The following PKIA variants were observed in gnomAD, a reference collection of about 807,000 sequenced individuals.
PKIA encodes PKI-alpha.
PKIA carries 4 observed loss-of-function variants against 7.6 expected under a neutral mutation model. That is an observed-to-expected ratio of 0.52 (90% CI 0.26 to 1.20). The LOEUF (loss-of-function observed/expected upper bound fraction) is 1.20. PKIA is among the 50% of genes most tolerant of loss of function. The probability of loss-of-function intolerance (pLI) is 0.13; values close to 1 mark genes in which losing one functional copy is unlikely to be tolerated. For synonymous variants in PKIA, 21 were observed against 30.7 expected (o/e 0.68, Z 1.04); for missense variants, 73 against 86.2 (o/e 0.85, Z 0.61).
At chr8:78,545,819 A>C (rs1806807152) in intron 1 of PKIA, among the ~76,000 whole-genome samples, 2 of 152,172 alleles carry the variant, frequency 1.3e-5, no homozygotes, top group Non-Finnish European at 1.5e-5. Context: ...TACTGATAGC[A>C]TCAATAGAAA....
chr8:78,518,009 AC>A (rs751936512), intron 1 of PKIA, among the ~76,000 whole-genome samples: 4 of 152,204 alleles, frequency 2.6e-5, no homozygotes, highest in Non-Finnish European at 5.9e-5. Flanking sequence ...TTAAAATTTT[AC>A]CTCTTTCTTT....
At chr8:78,517,082 T>G (rs963752669) in intron 1 of PKIA, among the ~76,000 whole-genome samples, 3 of 152,226 alleles carry the variant, frequency 2.0e-5, no homozygotes, top group African/African-American at 7.2e-5. Context: ...ATCATTTCAT[T>G]GATCTTTTTC....
chr8:78,553,737 A>ATT (rs10706008), intron 1 of PKIA, among the ~76,000 whole-genome samples: 3 of 140,996 alleles, frequency 2.1e-5, no homozygotes, highest in Non-Finnish European at 3.1e-5. Context: ...AAACAACTGG[A>ATT]TTTTTTTTTT....
chr8:78,568,663 C>T (rs1807475943), intron 1 of PKIA, among the ~76,000 whole-genome samples: 1 of 152,102 alleles, frequency 6.6e-6, no homozygotes, highest in Admixed American at 6.6e-5. Context: ...AGACAGGGCA[C>T]CACAGGAGCC....
intron 1 of PKIA, among the ~76,000 whole-genome samples, chr8:78,539,826 T>C (rs1300918851): frequency 6.6e-6 from 1 of 152,072 alleles, no homozygotes; most frequent in Non-Finnish European, 1.5e-5. Context: ...ATATAATGCA[T>C]GATCCTCTAC....
Position 78,601,779 on chromosome 8 carries a change from A to C in PKIA, c.189A>C (p.Gln63His). The part of the protein sequence containing the change: ...EEDAQRSSTE[Q>H]SGEAQGEAAK... ...ATGCACAACGAAGTTCTACAGAACA[A>C]AGTGGGGAAGCCCAGGGAGAAGCAG... The change falls in exon 4 of 4, where the codon CAA becomes CAC. Residue 63 changes from glutamine to histidine, a missense_variant. Physicochemically the swap from Gln to His is conservative, Grantham distance 24. Transcript: ENST00000396418. 1 of 1,612,540 alleles carries C rather than the reference A, an allele frequency of 6.2e-7. No homozygotes were observed. Among genetic ancestry groups the C allele is most frequent in the Non-Finnish European group, 8.5e-7 (1 of 1,179,030 alleles).
intron 3 of PKIA, among the ~76,000 whole-genome samples, chr8:78,598,849 T>C (rs537360612): frequency 3.6e-4 from 55 of 152,220 alleles, no homozygotes; most frequent in African/African-American, 1.3e-3. Flanking sequence ...TGTACAGTAT[T>C]TAACAAAGTT....
chr8:78,546,327 A>AAGG (rs1354092429), intron 1 of PKIA, among the ~76,000 whole-genome samples: 1 of 144,994 alleles, frequency 6.9e-6, no homozygotes, highest in East Asian at 1.9e-4. Flanking sequence ...TATAGTTAAG[A>AAGG]AGGAAGAGAC....
intron 1 of PKIA, among the ~76,000 whole-genome samples, chr8:78,532,010 G>A (rs1358946092): frequency 1.3e-5 from 2 of 152,024 alleles, no homozygotes; most frequent in Non-Finnish European, 2.9e-5. Context: ...TCTCATATTT[G>A]GAACAAATAA....
chr8:78,541,000 AT>A, intron 1 of PKIA, among the ~76,000 whole-genome samples: 1 of 152,208 alleles, frequency 6.6e-6, no homozygotes, highest in Middle Eastern at 3.4e-3. Flanking sequence ...AAAATTATAT[AT>A]ATACAAGGTA....
At chr8:78,531,869 C>T (rs1009701535) in intron 1 of PKIA, among the ~76,000 whole-genome samples, 1 of 152,048 alleles carries the variant, frequency 6.6e-6, no homozygotes, top group African/African-American at 2.4e-5. Flanking sequence ...TAATGAAGTT[C>T]AATTTAAGGA....
At chr8:78,569,633 A>G (rs1224486344) in intron 1 of PKIA, among the ~76,000 whole-genome samples, 1 of 152,208 alleles carries the variant, frequency 6.6e-6, no homozygotes, top group Non-Finnish European at 1.5e-5. Context: ...AGGTAATCAC[A>G]AAATAAATGA....
chr8:78,546,133 C>A (rs1208444570), intron 1 of PKIA, among the ~76,000 whole-genome samples: 1 of 152,146 alleles, frequency 6.6e-6, no homozygotes, highest in Non-Finnish European at 1.5e-5. Flanking sequence ...AATACATCAA[C>A]TAATACATTG....
chr8:78,539,533 C>T (rs538305708), intron 1 of PKIA, among the ~76,000 whole-genome samples: 3 of 151,986 alleles, frequency 2.0e-5, no homozygotes, highest in Non-Finnish European at 2.9e-5. Flanking sequence ...TTGTTTTTCT[C>T]TAACTCAGAG....
chr8:78,517,830 T>C (rs578236259), intron 1 of PKIA, among the ~76,000 whole-genome samples: 2 of 152,308 alleles, frequency 1.3e-5, no homozygotes, highest in South Asian at 2.1e-4. Flanking sequence ...CAGAGAACAG[T>C]TGCAATAAGC....
chr8:78,584,473 T>A (rs577910136), intron 2 of PKIA, among the ~76,000 whole-genome samples: 157 of 152,240 alleles, frequency 1.0e-3, no homozygotes, highest in African/African-American at 3.6e-3. Flanking sequence ...TTGGTTGTGT[T>A]ATAAGATATT....
chr8:78,601,675 G>T, intron 3 of PKIA, 67 bp from the exon 4 acceptor site: 1 of 1,153,452 alleles, frequency 8.7e-7, no homozygotes, highest in South Asian at 1.3e-5. Context: ...ATGACATATT[G>T]ACAGTTGGTA....
chr8:78,561,449 C>T (rs1392251499), intron 1 of PKIA, among the ~76,000 whole-genome samples: 1 of 151,936 alleles, frequency 6.6e-6, no homozygotes, highest in Non-Finnish European at 1.5e-5. Context: ...CTAGGCTAGG[C>T]CAAGTTTTTT....
chr8:78,546,110 C>T (rs750938760), intron 1 of PKIA, among the ~76,000 whole-genome samples: 2 of 152,100 alleles, frequency 1.3e-5, no homozygotes, highest in Non-Finnish European at 2.9e-5. Context: ...GAATGAAATC[C>T]ATGGCTTTGT....
Sources: allele counts gnomAD v4.1 joint callset (sites outside exome capture counted in the v4.1 genomes callset), GRCh38; gene constraint gnomAD v4.1.1; transcripts MANE v1.5; gene names NCBI Gene and HGNC (gene_info 2026-07-23, HGNC 2026-07-21).